ADGRL2: variants seen among roughly 807,000 people sequenced by gnomAD.
ADGRL2 encodes adhesion G protein-coupled receptor L2.
A neutral mutation model predicts 157.4 loss-of-function variants in ADGRL2; 44 were observed. The ratio of observed to expected loss-of-function variants is 0.28; its 90% CI spans 0.22 to 0.36. The LOEUF is 0.36. ADGRL2 is among the 10% of genes least tolerant of loss of function. The pLI is 1.00. For missense variants in ADGRL2, 1,510 were observed against 1,768.9 expected (o/e 0.85, Z 2.63); for synonymous variants, 585 against 624.7 (o/e 0.94, Z 0.95).
chr1:81,395,843 G>C (rs2076645875), intron 1 of ADGRL2, among the ~76,000 whole-genome samples: 2 of 152,136 alleles, frequency 1.3e-5, no homozygotes, highest in Admixed American at 6.5e-5. Flanking sequence ...TCAAAAATCA[G>C]TTAGCCGTAA....
At chr1:81,756,412 A>G (rs77043852) in intron 1 of ADGRL2, among the ~76,000 whole-genome samples, 2,747 of 152,246 alleles carry the variant, frequency 0.018, 45 homozygotes, top group South Asian at 0.031. Flanking sequence ...GCCACAATAA[A>G]ACAAGAATGC....
chr1:81,839,757 A>AT (rs5775642), intron 2 of ADGRL2, among the ~76,000 whole-genome samples: 2,465 of 144,510 alleles, frequency 0.017, 48 homozygotes, highest in Middle Eastern at 0.047. Flanking sequence ...ATATATATGT[A>AT]TTTTTTTCAT....
chr1:81,921,607 A>G (rs896646125), intron 3 of ADGRL2, among the ~76,000 whole-genome samples: 1 of 152,206 alleles, frequency 6.6e-6, no homozygotes, highest in African/African-American at 2.4e-5. Context: ...AGTGATAGTT[A>G]AAGCACTTGA....
In ADGRL2 at chr1:81,455,163, G is replaced by A. The variant is rs933677994; in HGVS notation, c.-248+10074G>A. 6.6e-5 allele frequency among the ~76,000 whole-genome samples: 10 copies of A among 152,150 alleles called. No individual in the cohort carries two copies. The East Asian group carries it at 1.3e-3, about 20-fold the overall frequency. The stretch of plus-strand genomic sequence containing the variant: ...GATCATAAAGTTGAAACTTTGACTC[G>A]TTTTATTCTTTCCCGGGTTATTTTG... On this transcript the variant is annotated intron_variant, in intron 2 of 24. Transcript: ENST00000370721.
At chr1:81,965,020 A>G (rs1001096674) in intron 11 of ADGRL2, among the ~76,000 whole-genome samples, 3 of 152,174 alleles carry the variant, frequency 2.0e-5, no homozygotes, top group African/African-American at 7.2e-5. Flanking sequence ...GACAGTAAAC[A>G]TTTATATTGT....
intron 3 of ADGRL2, among the ~76,000 whole-genome samples, chr1:81,933,322 C>T (rs922196393): frequency 1.3e-5 from 2 of 152,062 alleles, no homozygotes; most frequent in African/African-American, 4.8e-5. Context: ...AGGTTATTAA[C>T]GTAATAAACC....
At chr1:81,357,776 C>T (rs970571047) in intron 1 of ADGRL2, among the ~76,000 whole-genome samples, 2 of 152,120 alleles carry the variant, frequency 1.3e-5, no homozygotes, top group Non-Finnish European at 2.9e-5. Flanking sequence ...CTAATAAAAT[C>T]TGTATATAAA....
At chr1:81,982,078 A>AAAGAGC (rs1185526982) in intron 19 of ADGRL2, 102 bp downstream of exon 19, 1 of 933,866 alleles carries the variant, frequency 1.1e-6, no homozygotes, top group Non-Finnish European at 1.6e-6. Flanking sequence ...GCATATTGTT[A>AAAGAGC]AAGAGCATTA....
intron 1 of ADGRL2, among the ~76,000 whole-genome samples, chr1:81,826,287 A>G (rs145558086): frequency 6.6e-6 from 1 of 152,332 alleles, no homozygotes; most frequent in East Asian, 1.9e-4. Context: ...TAGCAATTGA[A>G]GGTTATATGT....
chr1:81,858,644 T>C (rs2093285543), intron 2 of ADGRL2, among the ~76,000 whole-genome samples: 3 of 152,194 alleles, frequency 2.0e-5, no homozygotes, highest in Admixed American at 2.0e-4. Flanking sequence ...GACTTGGTGT[T>C]ATTTCTTAAA....
chr1:81,719,622 AT>A (rs199553005), intron 1 of ADGRL2, among the ~76,000 whole-genome samples: 3 of 149,672 alleles, frequency 2.0e-5, no homozygotes, highest in Non-Finnish European at 3.0e-5. Context: ...TCACTTCATC[AT>A]TTTTTTTTCT....
rs571819282 is a variant in ADGRL2, at chr1:81,776,292, A to G, written c.-101+14440A>G. 3.2e-4 allele frequency among the ~76,000 whole-genome samples: 48 copies of G among 151,572 alleles called. 1 individual carries two copies. The highest frequency in any genetic ancestry group is 5.4e-4 in the Non-Finnish European group (37 of 67,894). On this transcript the variant is annotated intron_variant, in intron 2 of 20. Coordinates refer to the ADGRL2 transcript ENST00000359929. ...CAACCTCTGCCTCTCGAGTTCAAGCAATTCTCCTGCCTCTGCCTCCCAAGT... is the reference window on the plus strand; with the variant it reads ...CAACCTCTGCCTCTCGAGTTCAAGCGATTCTCCTGCCTCTGCCTCCCAAGT...
At chr1:81,689,982 C>T (rs1314992723) in intron 3 of ADGRL2, among the ~76,000 whole-genome samples, 1 of 152,166 alleles carries the variant, frequency 6.6e-6, no homozygotes, top group Non-Finnish European at 1.5e-5. Flanking sequence ...TTCTTCCATT[C>T]CCCAACATCT....
chr1:81,623,999 G>C (rs999334810), intron 3 of ADGRL2, among the ~76,000 whole-genome samples: 10 of 152,080 alleles, frequency 6.6e-5, no homozygotes, highest in Non-Finnish European at 1.2e-4. Flanking sequence ...CACACACAGG[G>C]AAGGAGGCCA....
At position 81,437,319 on chromosome 1, in the gene ADGRL2, C is replaced by T. The variant is rs115753115; in HGVS notation, c.-301-7717C>T. Among the ~76,000 whole-genome samples the T allele has an allele frequency of 2.3e-3, 357 of 152,218 alleles. 2 individuals are homozygous for T. Among genetic ancestry groups the T allele is most frequent in the African/African-American group, 8.3e-3 (345 of 41,506 alleles). On this transcript the variant is annotated intron_variant, in intron 1 of 24. Coordinates refer to the ADGRL2 transcript ENST00000370721. Reference sequence around the variant, plus strand: ...AAGGAAAGCTTTTTTTTACACTAGGCAAACAGCAACTGGTTTAGTCTCATA... The same window carrying T: ...AAGGAAAGCTTTTTTTTACACTAGGTAAACAGCAACTGGTTTAGTCTCATA...
intron 2 of ADGRL2, among the ~76,000 whole-genome samples, chr1:81,888,105 G>A (rs534423124): frequency 2.4e-4 from 37 of 152,256 alleles, no homozygotes; most frequent in African/African-American, 8.9e-4. Context: ...CTTTTAGAAC[G>A]ATGAAAGTAG....
rs1651930609 is a variant in ADGRL2 at position 81,951,875 on chromosome 1, CA to C, written c.1609-81del. Reference sequence around the variant, plus strand: ...TTTAACATTCGCAAATTTTTTTCACCACAATAAAGATACTCAAGGAGAACTA... The same window carrying C: ...TTTAACATTCGCAAATTTTTTTCACCCAATAAAGATACTCAAGGAGAACTA... On this transcript the variant is annotated intron_variant, in intron 8 of 23. Coordinates refer to ENST00000686636, the MANE Select transcript of ADGRL2 (RefSeq NM_001366006.2). 9.8e-6 allele frequency: 11 copies of C among 1,118,594 alleles called. No homozygotes were observed. In the Middle Eastern group the frequency reaches 6.6e-4, roughly 68 times the overall value. The allele number at this position is 1,118,594 out of a possible 1,614,324, so 69.3% of individuals were successfully genotyped here. A position where few individuals can be genotyped will look rare whatever the true frequency, so the allele number is the denominator to read the frequency against.
chr1:81,468,588 C>T (rs1019543543), intron 2 of ADGRL2, among the ~76,000 whole-genome samples: 1 of 152,054 alleles, frequency 6.6e-6, no homozygotes, highest in Non-Finnish European at 1.5e-5. Context: ...GAAGTCACCT[C>T]GGAAATTTGA....
chr1:81,567,437 T>C (rs1466853484), intron 2 of ADGRL2, among the ~76,000 whole-genome samples: 1 of 152,106 alleles, frequency 6.6e-6, no homozygotes, highest in East Asian at 1.9e-4. Context: ...CTATGTCTGA[T>C]CTATATCATG....
Sources: allele counts gnomAD v4.1 joint callset (sites outside exome capture counted in the v4.1 genomes callset), GRCh38; gene constraint gnomAD v4.1.1; transcripts MANE v1.5; gene names NCBI Gene and HGNC (gene_info 2026-07-23, HGNC 2026-07-21).